Variants in KATNIP observed in about 807,000 individuals in gnomAD.
The protein encoded by KATNIP is katanin interacting protein.
Under a neutral mutation model 174.0 loss-of-function variants are expected in KATNIP, and 126 were observed. The ratio of observed to expected loss-of-function variants is 0.72; its 90% confidence interval spans 0.63 to 0.84. The LOEUF (loss-of-function observed/expected upper bound fraction) is 0.84, where lower values mean the gene tolerates loss of function less well. KATNIP is among the 40% of genes least tolerant of loss of function. KATNIP has a pLI of 0.00. For synonymous variants in KATNIP, 810 were observed against 835.7 expected (o/e 0.97, Z 0.53); for missense variants, 1,958 against 2,109.7 (o/e 0.93, Z 1.41).
Position 27,778,836 on chromosome 16 carries a change from C to T in KATNIP, c.*207C>T, listed in dbSNP as rs2082599058. On this transcript the variant is annotated 3_prime_UTR_variant, in exon 28 of 28. Coordinates refer to ENST00000261588, the MANE Select transcript of KATNIP (RefSeq NM_015202.5). ...CTGTGGCTGCAGGGCAAAGAGATCC[C>T]CTGCAGTTCTGGGTTGGCCACAGGG... The T allele has an allele frequency of 1.9e-6, 1 of 518,226 alleles. No individual in the cohort carries two copies. Among genetic ancestry groups the T allele is most frequent in the East Asian group, 3.2e-5 (1 of 31,088 alleles). The allele number at this position is 518,226 out of a possible 1,614,324, so 32.1% of individuals were successfully genotyped here.
At position 27,628,664 on chromosome 16, in the gene KATNIP, A is replaced by G. The variant is rs756334732; in HGVS notation, c.144A>G (p.Ile48Met). 7.4e-6 allele frequency: 12 copies of G among 1,614,120 alleles called. No individual in the cohort carries two copies. In the Admixed American group the frequency reaches 1.7e-4, roughly 22 times the overall value. The stretch of plus-strand genomic sequence containing the variant: ...CAACCCACCGTTTCTCTTTCAGGAT[A>G]TTAAAGCATTTGAAAAGCAAGGACC... Reference protein sequence around the residue: ...YLILLQQRNRILKHLKSKDPV... With the variant: ...YLILLQQRNRMLKHLKSKDPV... Residue 48 changes from isoleucine (I) to methionine (M), a missense_variant, in exon 4 of 28, where the codon ATA (isoleucine) becomes ATG (methionine). Around this residue, in one of 3 missense-constraint regions of KATNIP, gnomAD observed 1,557 missense variants for 1,617.8 expected, o/e 0.96. Transcript: ENST00000261588.
At chr16:27,621,900 C>A (rs983447442) in intron 3 of KATNIP, among the ~76,000 whole-genome samples, 1 of 151,956 alleles carries the variant, frequency 6.6e-6, no homozygotes, top group African/African-American at 2.4e-5. Flanking sequence ...CCCCATGATT[C>A]AGTCACCTCC....
chr16:27,740,486 C>T lies in KATNIP; in HGVS notation c.2189C>T (p.Pro730Leu), dbSNP rs371896691. 1.1e-5 allele frequency: 18 copies of T among 1,614,018 alleles called. No homozygotes were observed. In the African/African-American group the frequency reaches 1.7e-4, roughly 16 times the overall value. ...PVKCPPVHEE[P>L]SLIQQLENLM... ...AAGTGCCCTCCTGTCCATGAGGAGC[C>T]CTCTCTCATCCAACAACTGGAAAAC... Residue 730 changes from proline (P) to leucine (L), a missense_variant, in exon 15 of 28, where the codon CCC (proline) becomes CTC (leucine). Around this residue, in one of 3 missense-constraint regions of KATNIP, gnomAD observed 1,557 missense variants for 1,617.8 expected, o/e 0.96. Transcript: ENST00000261588.
At chr16:27,613,485 CA>C (rs2075955404) in intron 2 of KATNIP, among the ~76,000 whole-genome samples, 1 of 152,144 alleles carries the variant, frequency 6.6e-6, no homozygotes, top group South Asian at 2.1e-4. Context: ...TTTGAAGTCC[CA>C]TATTTCATCT....
intron 2 of KATNIP, among the ~76,000 whole-genome samples, chr16:27,608,859 G>A (rs572094709): frequency 1.9e-4 from 29 of 152,174 alleles, no homozygotes; most frequent in South Asian, 2.1e-4. Context: ...CTCAGCACCC[G>A]GCAATCTAGC....
At chr16:27,741,628 C>T (rs954212606) in intron 15 of KATNIP, among the ~76,000 whole-genome samples, 2 of 151,314 alleles carry the variant, frequency 1.3e-5, no homozygotes, top group Non-Finnish European at 1.5e-5. Flanking sequence ...CCAGGCCGGG[C>T]GCAATGGCTC....
rs546144746 is a variant in KATNIP, at chr16:27,647,345, C to G, written c.409-1259C>G. The stretch of plus-strand genomic sequence containing the variant: ...AACAAGTCTAATCACAAAGCCCCCC[C>G]CTTTCTTTTATTTAAAGACAGGGTG... On this transcript the variant is annotated intron_variant, in intron 5 of 27. Coordinates refer to ENST00000261588, the MANE Select transcript of KATNIP (RefSeq NM_015202.5). Among the ~76,000 whole-genome samples, 40 of 152,194 alleles carry G rather than the reference C, an allele frequency of 2.6e-4. 1 individual carries two copies. The highest frequency in any genetic ancestry group is 1.8e-3 in the Admixed American group (28 of 15,286).
chr16:27,732,386 G>A (rs1305954730), intron 14 of KATNIP, among the ~76,000 whole-genome samples: 1 of 152,204 alleles, frequency 6.6e-6, no homozygotes, highest in African/African-American at 2.4e-5. Flanking sequence ...CATGAATGAA[G>A]GTCACTTCCC....
At chr16:27,730,779 T>C (rs1399462515) in intron 14 of KATNIP, among the ~76,000 whole-genome samples, 3 of 152,236 alleles carry the variant, frequency 2.0e-5, no homozygotes, top group African/African-American at 7.2e-5. Context: ...CTTAGGGTTC[T>C]GAGCTTCTGA....
intron 5 of KATNIP, among the ~76,000 whole-genome samples, chr16:27,634,366 C>A (rs553860348): frequency 6.6e-6 from 1 of 152,182 alleles, no homozygotes; most frequent in African/African-American, 2.4e-5. Context: ...CGGGTGCTTA[C>A]GAAGTCCTTG....
intron 12 of KATNIP, among the ~76,000 whole-genome samples, chr16:27,707,702 C>A (rs1287697090): frequency 1.3e-5 from 2 of 152,228 alleles, no homozygotes; most frequent in African/African-American, 4.8e-5. Context: ...CTCACAATTC[C>A]GAAGGCTGGA....
chr16:27,624,699 A>G (rs1036158021), intron 3 of KATNIP, among the ~76,000 whole-genome samples: 4 of 152,216 alleles, frequency 2.6e-5, no homozygotes, highest in Admixed American at 2.0e-4. Context: ...ACGCACCTGT[A>G]GTCCCTGCTA....
In KATNIP at chr16:27,775,027, A is replaced by G; in HGVS notation, c.4392A>G (p.Gln1464=). 1.2e-6 allele frequency: 2 copies of G among 1,613,584 alleles called. No individual in the cohort carries two copies. Among genetic ancestry groups the G allele is most frequent in the Non-Finnish European group, 1.7e-6 (2 of 1,179,862 alleles). The change falls in exon 24 of 28, where the codon CAA becomes CAG. Residue 1464 remains glutamine, a synonymous_variant. Coordinates refer to ENST00000261588, the MANE Select transcript of KATNIP (RefSeq NM_015202.5). ...DVRTPDKLID[Q]VNDTSDGRHM... is the part of the protein sequence containing the mutation. ...GCACCCCAGACAAGCTCATCGACCA[A>G]GTGAACGACACCAGTGATGGCCGGC...
chr16:27,666,635 C>G (rs1435684579), intron 6 of KATNIP, among the ~76,000 whole-genome samples: 1 of 152,190 alleles, frequency 6.6e-6, no homozygotes, highest in African/African-American at 2.4e-5. Flanking sequence ...CCAGGCTGGT[C>G]TCGAACTCCT....
intron 2 of KATNIP, among the ~76,000 whole-genome samples, chr16:27,584,712 A>AC: frequency 6.6e-6 from 1 of 151,672 alleles, no homozygotes. Context: ...AATCGCATGA[A>AC]CCCATGAGGC....
rs61745794 is a variant in KATNIP, at chr16:27,774,991, C to A, written c.4356C>A (p.Gly1452=). The A allele has an allele frequency of 1.9e-6, 3 of 1,613,658 alleles. No individual in the cohort carries two copies. In the South Asian group the frequency reaches 3.3e-5, roughly 18 times the overall value. ...GCGTGAACTCCCTGGAGGGTGTGGG[C>A]GGGGACGTCCGCACCCCAGACAAGC... The part of the protein sequence containing the change: ...PDSVNSLEGV[G]GDVRTPDKLI... Residue 1452 remains glycine, a synonymous_variant, in exon 24 of 28, where the codon GGC becomes GGA. Coordinates refer to ENST00000261588, the MANE Select transcript of KATNIP (RefSeq NM_015202.5).
chr16:27,700,069 G>A (rs572755598), intron 10 of KATNIP, among the ~76,000 whole-genome samples: 3 of 151,660 alleles, frequency 2.0e-5, no homozygotes, highest in East Asian at 3.9e-4. Flanking sequence ...CAGCCACCAC[G>A]CCTGGCTAAT....
rs1229400317 is a variant in KATNIP at position 27,773,132 on chromosome 16, GCGA to G, written c.4234_4236del (p.Asp1412del). On this transcript the variant is annotated inframe_deletion, in exon 23 of 28. Coordinates refer to ENST00000261588, the MANE Select transcript of KATNIP (RefSeq NM_015202.5). The stretch of plus-strand genomic sequence containing the variant: ...CAGTTTCAGCTTCTCACCAGCTGGG[GCGA>G]CCCCTACTACATCGGCCTCACCGGC... 1 of 1,612,502 alleles carries G rather than the reference GCGA, an allele frequency of 6.2e-7. No homozygotes were observed. Among genetic ancestry groups the G allele is most frequent in the Non-Finnish European group, 8.5e-7 (1 of 1,179,296 alleles).
intron 8 of KATNIP, among the ~76,000 whole-genome samples, chr16:27,688,858 C>G (rs1206065096): frequency 6.6e-6 from 1 of 152,148 alleles, no homozygotes; most frequent in African/African-American, 2.4e-5. Flanking sequence ...CAGTTCTTTT[C>G]TTAGTTCAAG....
Sources: allele counts gnomAD v4.1 joint callset (sites outside exome capture counted in the v4.1 genomes callset), GRCh38; gene constraint gnomAD v4.1.1; regional missense constraint gnomAD v4.1.1; transcripts MANE v1.5; gene names NCBI Gene and HGNC (gene_info 2026-07-23, HGNC 2026-07-21).